Variants in MPHOSPH6 observed in about 807,000 individuals in gnomAD.
The protein encoded by MPHOSPH6 is M-phase phosphoprotein 6.
A neutral mutation model predicts 21.8 loss-of-function variants in MPHOSPH6; 25 were observed. The observed-to-expected ratio is 1.15, with a 90% CI of 0.83 to 1.60. The LOEUF (loss-of-function observed/expected upper bound fraction) is 1.60, where lower values mean the gene tolerates loss of function less well. Ranked by LOEUF, MPHOSPH6 falls within the 40% of genes most tolerant of loss-of-function variation. The pLI is 0.00. For synonymous variants in MPHOSPH6, 84 were observed against 56.5 expected (o/e 1.49, Z -2.18); for missense variants, 269 against 181.8 (o/e 1.48, Z -2.76).
At chr16:82,161,786 C>A (rs1167868237) in intron 2 of MPHOSPH6, among the ~76,000 whole-genome samples, 2 of 152,212 alleles carry the variant, frequency 1.3e-5, no homozygotes. Flanking sequence ...AGTTGAGGCA[C>A]AGCAGCTAGA....
intron 1 of MPHOSPH6, among the ~76,000 whole-genome samples, chr16:82,166,853 A>G (rs999387776): frequency 2.0e-5 from 3 of 152,140 alleles, no homozygotes; most frequent in African/African-American, 7.2e-5. Flanking sequence ...AGCCATATAC[A>G]TATGTTCTGT....
chr16:82,163,488 A>G lies in MPHOSPH6; in HGVS notation c.164+594T>C, dbSNP rs114645101. Among the ~76,000 whole-genome samples the G allele has an allele frequency of 2.9e-3, 436 of 152,274 alleles. 2 individuals are homozygous for G. Among genetic ancestry groups the G allele is most frequent in the African/African-American group, 8.2e-3 (341 of 41,558 alleles). On this transcript the variant is annotated intron_variant, in intron 2 of 4. Transcript: ENST00000258169. ...CTAGCTGGGTGAAGCTGGGCAAGTT[A>G]CCCTCCCTTAAGCTCAGTTCCTCAA...
chr16:82,167,378 T>A (rs150627790), intron 1 of MPHOSPH6, among the ~76,000 whole-genome samples: 268 of 152,302 alleles, frequency 1.8e-3, no homozygotes, highest in African/African-American at 6.3e-3. Context: ...GTCCCCAACC[T>A]TTTTGGCACC....
intron 2 of MPHOSPH6, among the ~76,000 whole-genome samples, chr16:82,159,683 G>A (rs1906546008): frequency 6.6e-6 from 1 of 152,210 alleles, no homozygotes; most frequent in African/African-American, 2.4e-5. Flanking sequence ...TGGGATTACA[G>A]GTGTGAGCCA....
At chr16:82,151,309 AT>A (rs1163226593) in intron 3 of MPHOSPH6, 114 bp downstream of exon 3, 2 of 1,413,806 alleles carry the variant, frequency 1.4e-6, no homozygotes, top group South Asian at 2.6e-5. Context: ...AAGACTTGTT[AT>A]TTTCTATATA....
chr16:82,169,212 T>C (rs1055841217), intron 1 of MPHOSPH6, among the ~76,000 whole-genome samples: 2 of 152,236 alleles, frequency 1.3e-5, no homozygotes, highest in African/African-American at 4.8e-5. Context: ...TCAAATTCCC[T>C]GCACGTTGTG....
At chr16:82,162,797 C>T (rs6564990) in intron 2 of MPHOSPH6, among the ~76,000 whole-genome samples, 14,551 of 152,214 alleles carry the variant, frequency 0.096, 1,490 homozygotes, top group African/African-American at 0.26. Flanking sequence ...GGCAAAAAGG[C>T]ATTATTTACC....
At chr16:82,167,793 G>GC (rs1906833503) in intron 1 of MPHOSPH6, among the ~76,000 whole-genome samples, 1 of 152,178 alleles carries the variant, frequency 6.6e-6, no homozygotes, top group South Asian at 2.1e-4. Context: ...AAATACAGAT[G>GC]AAGTTTCGCT....
Position 82,148,549 on chromosome 16 carries a change from A to C in MPHOSPH6, c.*182T>G, listed in dbSNP as rs941472974. ...AAATCCACTCTGAATGAATACCAAG[A>C]AGCAAAGGATGTACAACATCCATCA... On this transcript the variant is annotated 3_prime_UTR_variant, in exon 5 of 5. Transcript: ENST00000258169. 6 of 686,028 alleles carry C rather than the reference A, an allele frequency of 8.7e-6. No homozygotes were observed. Among genetic ancestry groups the C allele is most frequent in the South Asian group, 7.7e-5 (2 of 25,942 alleles). The allele number at this position is 686,028 out of a possible 1,614,324, so 42.5% of individuals were successfully genotyped here. A position where few individuals can be genotyped will look rare whatever the true frequency, so the allele number is the denominator to read the frequency against.
chr16:82,154,227 G>A (rs528494444), intron 2 of MPHOSPH6, among the ~76,000 whole-genome samples: 120 of 152,352 alleles, frequency 7.9e-4, no homozygotes, highest in Middle Eastern at 3.4e-3. Context: ...GAGAGAACAA[G>A]CTAAACACTC....
At chr16:82,168,626 A>T (rs1906869814) in intron 1 of MPHOSPH6, among the ~76,000 whole-genome samples, 2 of 152,188 alleles carry the variant, frequency 1.3e-5, no homozygotes, top group African/African-American at 4.8e-5. Flanking sequence ...GCGTGCCACT[A>T]GGCCTGGCTA....
chr16:82,160,924 T>G (rs899190431), intron 2 of MPHOSPH6, among the ~76,000 whole-genome samples: 2 of 151,424 alleles, frequency 1.3e-5, no homozygotes, highest in Admixed American at 1.3e-4. Context: ...GCATCTCACA[T>G]AAGAGGTGCC....
At chr16:82,154,030 A>T (rs1906351583) in intron 2 of MPHOSPH6, among the ~76,000 whole-genome samples, 1 of 152,188 alleles carries the variant, frequency 6.6e-6, no homozygotes, top group African/African-American at 2.4e-5. Context: ...ATATACCAGC[A>T]AGGTAAATTT....
chr16:82,165,896 T>C (rs117572001), intron 1 of MPHOSPH6, among the ~76,000 whole-genome samples: 4,052 of 152,300 alleles, frequency 0.027, 75 homozygotes, highest in Non-Finnish European at 0.039. Flanking sequence ...TAACACATGA[T>C]GGTGATAACA....
chr16:82,153,411 A>G (rs11641178), intron 2 of MPHOSPH6, among the ~76,000 whole-genome samples: 21,401 of 152,100 alleles, frequency 0.14, 2,208 homozygotes, highest in East Asian at 0.34. Context: ...AATGAAGTAG[A>G]CCCCATGAAT....
At chr16:82,155,698 G>A (rs1567613058) in intron 2 of MPHOSPH6, among the ~76,000 whole-genome samples, 1 of 152,144 alleles carries the variant, frequency 6.6e-6, no homozygotes, top group Non-Finnish European at 1.5e-5. Flanking sequence ...GAGGTCAGGA[G>A]TTCAAGATCA....
chr16:82,149,975 C>G (rs1323661412), intron 3 of MPHOSPH6, among the ~76,000 whole-genome samples: 2 of 151,524 alleles, frequency 1.3e-5, no homozygotes, highest in Admixed American at 1.3e-4. Context: ...TCCTCCAACT[C>G]TTTCACATAA....
At chr16:82,150,356 C>T (rs1906225147) in intron 3 of MPHOSPH6, among the ~76,000 whole-genome samples, 1 of 152,162 alleles carries the variant, frequency 6.6e-6, no homozygotes, top group African/African-American at 2.4e-5. Context: ...CCCAGCCCCT[C>T]TCCTTCTCAA....
rs766563744 is a variant in MPHOSPH6, at chr16:82,165,410, C to T, written c.52-1216G>A. ...AAGTGCTGGGATTACAGGTGTGAGC[C>T]GCTGCGCCCGGCCCAGGTCCCATAT... On this transcript the variant is annotated intron_variant, in intron 1 of 4. Coordinates refer to ENST00000258169, the MANE Select transcript of MPHOSPH6 (RefSeq NM_005792.2). Among the ~76,000 whole-genome samples, 7 of 151,992 alleles carry T rather than the reference C, an allele frequency of 4.6e-5. No homozygotes were observed. In the East Asian group the frequency reaches 5.8e-4, roughly 13 times the overall value.
Sources: gnomAD v4.1 joint callset for allele counts (sites outside exome capture counted in the v4.1 genomes callset) on GRCh38, gnomAD v4.1.1 for gene constraint, MANE v1.5 for transcripts, NCBI Gene and HGNC (gene_info 2026-07-23, HGNC 2026-07-21) for gene names.